The following LEKR1 variants were observed in gnomAD, a reference collection of about 807,000 sequenced individuals.
The protein encoded by LEKR1 is leucine, glutamate and lysine rich 1.
A neutral mutation model predicts 72.4 loss-of-function variants in LEKR1; 59 were observed. The observed-to-expected ratio is 0.82, with a 90% confidence interval of 0.66 to 1.01. LEKR1 has a LOEUF of 1.01. Among genes scored for constraint, LEKR1 ranks in the 50% least tolerant of loss-of-function variants. The pLI, the probability that LEKR1 is intolerant of heterozygous loss-of-function variation, is 0.00. For synonymous variants in LEKR1, 257 were observed against 263.2 expected (o/e 0.98, Z 0.23); for missense variants, 728 against 759.2 (o/e 0.96, Z 0.48).
intron 6 of LEKR1, among the ~76,000 whole-genome samples, chr3:156,952,542 T>C (rs778311727): frequency 3.3e-5 from 5 of 151,462 alleles, no homozygotes; most frequent in Non-Finnish European, 7.4e-5. Context: ...TTTTCATGTA[T>C]CAGATTAACA....
chr3:156,834,927 T>A (rs1712909058), intron 2 of LEKR1, among the ~76,000 whole-genome samples: 1 of 152,256 alleles, frequency 6.6e-6, no homozygotes, highest in Non-Finnish European at 1.5e-5. Flanking sequence ...TTAAATTTTC[T>A]ATTTTTCTGA....
intron 3 of LEKR1, among the ~76,000 whole-genome samples, chr3:156,919,132 G>A (rs1723944428): frequency 6.6e-6 from 1 of 152,184 alleles, no homozygotes; most frequent in South Asian, 2.1e-4. Context: ...TGCAAATCGA[G>A]AGTACCCTCC....
intron 6 of LEKR1, among the ~76,000 whole-genome samples, chr3:156,951,072 AG>A (rs551233326): frequency 1.7e-4 from 26 of 151,852 alleles, no homozygotes; most frequent in African/African-American, 6.3e-4. Context: ...TTTCACATAA[AG>A]GGAGGTTGAA....
intron 5 of LEKR1, among the ~76,000 whole-genome samples, chr3:156,936,727 G>A (rs930612334): frequency 6.6e-6 from 1 of 152,058 alleles, no homozygotes; most frequent in African/African-American, 2.4e-5. Flanking sequence ...ATTCAGTGGA[G>A]GAAGAATAGC....
intron 10 of LEKR1, among the ~76,000 whole-genome samples, chr3:157,013,451 G>A (rs1381088114): frequency 6.6e-6 from 1 of 152,090 alleles, no homozygotes; most frequent in Non-Finnish European, 1.5e-5. Flanking sequence ...CTTGCTTTAT[G>A]CTAGTAAGTT....
Position 157,036,507 on chromosome 3 carries a change from A to G in LEKR1, c.1668+8105A>G, listed in dbSNP as rs202171202. 1.1e-4 allele frequency among the ~76,000 whole-genome samples: 17 copies of G among 152,330 alleles called. No homozygotes were observed. In the East Asian group the frequency reaches 3.1e-3, roughly 28 times the overall value. On this transcript the variant is annotated intron_variant, in intron 12 of 12. Transcript: ENST00000356539. ...ACAATCCGTCAAGCATCAAACGCAG[A>G]TATTTTCAGACTTAAGAGTTCTCAA...
chr3:156,912,955 A>G (rs1723261817), intron 3 of LEKR1, among the ~76,000 whole-genome samples: 2 of 152,160 alleles, frequency 1.3e-5, no homozygotes, highest in Non-Finnish European at 2.9e-5. Context: ...TACCTGGCTC[A>G]TAGTGTAGGC....
chr3:156,962,390 C>T (rs530252076), intron 6 of LEKR1, among the ~76,000 whole-genome samples: 1 of 152,328 alleles, frequency 6.6e-6, no homozygotes, highest in Admixed American at 6.5e-5. Context: ...AAGAGACCAG[C>T]TTGATAATGA....
chr3:156,930,207 A>G (rs1378939562), intron 5 of LEKR1, among the ~76,000 whole-genome samples: 1 of 152,202 alleles, frequency 6.6e-6, no homozygotes. Context: ...AGATAAATCA[A>G]TAGAAATTAT....
chr3:156,870,221 T>C (rs1479504062), intron 3 of LEKR1, among the ~76,000 whole-genome samples: 1 of 152,102 alleles, frequency 6.6e-6, no homozygotes, highest in Non-Finnish European at 1.5e-5. Flanking sequence ...TTAAGATTTT[T>C]TTCTATCTCT....
chr3:157,042,691 T>G (rs1354736207), intron 12 of LEKR1, among the ~76,000 whole-genome samples: 1 of 152,236 alleles, frequency 6.6e-6, no homozygotes, highest in Non-Finnish European at 1.5e-5. Flanking sequence ...TTATTTTTCT[T>G]TTAAGAAGAG....
chr3:156,962,897 T>C (rs1728247552), intron 6 of LEKR1, among the ~76,000 whole-genome samples: 1 of 152,192 alleles, frequency 6.6e-6, no homozygotes, highest in Non-Finnish European at 1.5e-5. Flanking sequence ...GGCTAGACTT[T>C]AGCTCTACCA....
chr3:157,011,414 G>A lies in LEKR1; in HGVS notation c.1111G>A (p.Glu371Lys). 1 of 1,610,690 alleles carries A rather than the reference G, an allele frequency of 6.2e-7. No homozygotes were observed. Among genetic ancestry groups the A allele is most frequent in the Non-Finnish European group, 8.5e-7 (1 of 1,177,142 alleles). Reference sequence around the variant, plus strand: ...ATTTGTCGGGTTTGTGATTTTCAGGGAATTGATGCTGATTTCACATCAGAA... The same window carrying A: ...ATTTGTCGGGTTTGTGATTTTCAGGAAATTGATGCTGATTTCACATCAGAA... ...EEVLTLKNER[E>K]LMLISHQKSI... is the part of the protein sequence containing the mutation. The change falls in exon 10 of 13, where the codon GAA becomes AAA. Residue 371 changes from glutamate to lysine, a missense_variant and splice_region_variant. Glu to Lys is a moderately conservative substitution (Grantham distance 56). Coordinates refer to ENST00000356539, the MANE Select transcript of LEKR1 (RefSeq NM_001004316.3).
intron 12 of LEKR1, among the ~76,000 whole-genome samples, chr3:157,040,109 TG>T (rs1220188968): frequency 5.3e-5 from 8 of 152,240 alleles, no homozygotes; most frequent in African/African-American, 1.9e-4. Context: ...GGAGTCTCTG[TG>T]GTGAGGAAGA....
intron 10 of LEKR1, among the ~76,000 whole-genome samples, chr3:157,015,210 G>GGA (rs1313824289): frequency 2.6e-5 from 4 of 152,128 alleles, no homozygotes; most frequent in Admixed American, 1.3e-4. Flanking sequence ...CAGCGTCCTG[G>GGA]GAGATCATGG....
chr3:156,974,770 T>C (rs996213319), intron 6 of LEKR1, among the ~76,000 whole-genome samples: 2 of 152,194 alleles, frequency 1.3e-5, no homozygotes, highest in Non-Finnish European at 2.9e-5. Flanking sequence ...ATACAACATG[T>C]ATGTGTTCCC....
intron 12 of LEKR1, among the ~76,000 whole-genome samples, chr3:157,032,234 C>T (rs893440211): frequency 2.6e-5 from 4 of 152,148 alleles, no homozygotes; most frequent in Admixed American, 2.0e-4. Context: ...CTATTACGGA[C>T]CTTGTTGTGA....
chr3:156,872,102 T>C (rs1302687425), intron 3 of LEKR1, among the ~76,000 whole-genome samples: 5 of 151,960 alleles, frequency 3.3e-5, no homozygotes, highest in African/African-American at 1.2e-4. Flanking sequence ...TTTTTTTTTT[T>C]ACAGATTTAG....
intron 12 of LEKR1, among the ~76,000 whole-genome samples, chr3:157,036,674 A>G (rs1031152799): frequency 3.3e-5 from 5 of 152,238 alleles, no homozygotes; most frequent in Non-Finnish European, 7.3e-5. Flanking sequence ...AGGGAATCCC[A>G]GGATAATGGT....
Sources: allele counts gnomAD v4.1 joint callset (sites outside exome capture counted in the v4.1 genomes callset), GRCh38; gene constraint gnomAD v4.1.1; transcripts MANE v1.5; gene names NCBI Gene and HGNC (gene_info 2026-07-23, HGNC 2026-07-21).